SEL1L2: variants seen among roughly 807,000 people sequenced by gnomAD.
SEL1L2 encodes SEL1L2 adaptor subunit of SYVN1 ubiquitin ligase.
A neutral mutation model predicts 98.8 loss-of-function variants in SEL1L2; 89 were observed. That is an observed-to-expected ratio of 0.90 (90% CI 0.76 to 1.07). The LOEUF is 1.07. SEL1L2 is among the 50% of genes least tolerant of loss of function. The probability of loss-of-function intolerance (pLI) is 0.00; values close to 1 mark genes in which losing one functional copy is unlikely to be tolerated. For missense variants in SEL1L2, 788 were observed against 812.0 expected (o/e 0.97, Z 0.36); for synonymous variants, 262 against 278.5 (o/e 0.94, Z 0.59).
intron 8 of SEL1L2, 135 bp downstream of exon 8, chr20:13,887,634 G>A (rs1026484025): frequency 4.3e-5 from 26 of 600,072 alleles, no homozygotes; most frequent in Non-Finnish European, 6.9e-5. Flanking sequence ...TATGTTAAAA[G>A]AATTGTATTA....
At chr20:13,924,368 G>C (rs2048789707) in intron 3 of SEL1L2, among the ~76,000 whole-genome samples, 1 of 149,712 alleles carries the variant, frequency 6.7e-6, no homozygotes, top group Admixed American at 6.7e-5. Context: ...TACTATGTCT[G>C]ATCTTCTTAA....
At chr20:13,981,006 G>T (rs1171984063) in intron 1 of SEL1L2, among the ~76,000 whole-genome samples, 1 of 152,190 alleles carries the variant, frequency 6.6e-6, no homozygotes, top group African/African-American at 2.4e-5. Context: ...ACTTTGAGAG[G>T]CCAAGGCGGG....
Position 13,990,479 on chromosome 20 carries a change from T to C in SEL1L2, c.56A>G (p.Lys19Arg), listed in dbSNP as rs756098937. ...ACTCTAAGGACAAAAAAACTTACTT[T>C]TAATTGTGACCCCAAGAATTATCAA... ...EILIILGVTI[K>R]TIKAEEHNKR... Residue 19 changes from lysine to arginine, a missense_variant and splice_region_variant, in exon 1 of 20, where the codon AAA becomes AGA. By Grantham distance (26) the Lys-to-Arg change is conservative (BLOSUM62 2). Transcript: ENST00000284951. 6.2e-7 allele frequency: 1 copy of C among 1,610,540 alleles called. No individual in the cohort carries two copies. Among genetic ancestry groups the C allele is most frequent in the East Asian group, 2.2e-5 (1 of 44,864 alleles).
At chr20:13,933,963 G>GC (rs1555887937) in intron 2 of SEL1L2, among the ~76,000 whole-genome samples, 2 of 143,816 alleles carry the variant, frequency 1.4e-5, no homozygotes, top group Non-Finnish European at 3.0e-5. Flanking sequence ...TAAACCTAAG[G>GC]TTTTTTTTTT....
intron 10 of SEL1L2, among the ~76,000 whole-genome samples, chr20:13,880,133 C>G (rs1014043486): frequency 6.6e-6 from 1 of 152,216 alleles, no homozygotes; most frequent in South Asian, 2.1e-4. Context: ...ATCTCTAAAA[C>G]AAGGCAGCTG....
At chr20:13,876,170 C>T in intron 11 of SEL1L2, 55 bp from the exon 12 acceptor site, 1 of 1,270,204 alleles carries the variant, frequency 7.9e-7, no homozygotes, top group Non-Finnish European at 1.2e-6. Context: ...GAGAGTAATG[C>T]AAATATTTTA....
At chr20:13,953,853 C>CA (rs1310649917) in intron 2 of SEL1L2, among the ~76,000 whole-genome samples, 2 of 152,090 alleles carry the variant, frequency 1.3e-5, no homozygotes, top group African/African-American at 4.8e-5. Flanking sequence ...AGTCCTACAA[C>CA]AAAAATGGTC....
chr20:13,890,803 A>G (rs2047173129), intron 5 of SEL1L2, among the ~76,000 whole-genome samples: 1 of 152,176 alleles, frequency 6.6e-6, no homozygotes. Flanking sequence ...CACAATGAGA[A>G]TATCAACAAA....
chr20:13,923,970 AT>A (rs1568977745), intron 3 of SEL1L2, among the ~76,000 whole-genome samples: 1 of 152,056 alleles, frequency 6.6e-6, no homozygotes, highest in African/African-American at 2.4e-5. Flanking sequence ...TTAATTTTTC[AT>A]TTTTATATTT....
intron 5 of SEL1L2, among the ~76,000 whole-genome samples, chr20:13,900,344 A>G (rs1042743083): frequency 1.3e-5 from 2 of 152,148 alleles, no homozygotes; most frequent in African/African-American, 2.4e-5. Context: ...TAAATTTGCA[A>G]TGTTATCCAT....
chr20:13,851,889 TG>T (rs1988324969), intron 18 of SEL1L2, among the ~76,000 whole-genome samples: 1 of 152,200 alleles, frequency 6.6e-6, no homozygotes, highest in Non-Finnish European at 1.5e-5. Context: ...TTCTCTCAGC[TG>T]TGTTCTGCTT....
At chr20:13,850,980 T>A (rs1376921012) in intron 18 of SEL1L2, among the ~76,000 whole-genome samples, 1 of 152,154 alleles carries the variant, frequency 6.6e-6, no homozygotes, top group African/African-American at 2.4e-5. Context: ...TTCACGCCTG[T>A]AGTCCCAGTA....
intron 1 of SEL1L2, among the ~76,000 whole-genome samples, chr20:13,968,342 G>A (rs1281397266): frequency 6.6e-6 from 1 of 152,236 alleles, no homozygotes; most frequent in Non-Finnish European, 1.5e-5. Flanking sequence ...CAACCTTGAA[G>A]GATAGTTGAA....
At chr20:13,882,039 A>G (rs2046724610) in intron 10 of SEL1L2, among the ~76,000 whole-genome samples, 1 of 152,242 alleles carries the variant, frequency 6.6e-6, no homozygotes, top group African/African-American at 2.4e-5. Context: ...TATATATTAC[A>G]TAATGAATAT....
intron 2 of SEL1L2, among the ~76,000 whole-genome samples, chr20:13,953,779 T>C (rs536629054): frequency 6.6e-6 from 1 of 152,296 alleles, no homozygotes; most frequent in East Asian, 1.9e-4. Context: ...CTTCAAAGTG[T>C]CTGCAAGCCT....
chr20:13,983,048 A>AAAAAAAAAAAAAAAAAAAAAAAAT (rs2051935324), intron 1 of SEL1L2, among the ~76,000 whole-genome samples: 1 of 135,208 alleles, frequency 7.4e-6, no homozygotes, highest in Non-Finnish European at 1.6e-5. Context: ...AAAAAAAAAA[A>AAAAAAAAAAAAAAAAAAAAAAAAT]GCAGCAGCCA....
At chr20:13,987,442 T>C (rs2052278004) in intron 1 of SEL1L2, among the ~76,000 whole-genome samples, 2 of 150,672 alleles carry the variant, frequency 1.3e-5, no homozygotes, top group African/African-American at 2.4e-5. Context: ...GCCTCCGGGG[T>C]TCAAGCGATT....
At chr20:13,972,944 G>C (rs1403076136) in intron 1 of SEL1L2, among the ~76,000 whole-genome samples, 2 of 151,846 alleles carry the variant, frequency 1.3e-5, no homozygotes, top group African/African-American at 2.4e-5. Flanking sequence ...TCATATCTAG[G>C]GAATTTTATT....
At chr20:13,905,497 G>C (rs896160863) in intron 5 of SEL1L2, among the ~76,000 whole-genome samples, 8 of 151,968 alleles carry the variant, frequency 5.3e-5, no homozygotes, top group Admixed American at 1.3e-4. Context: ...GTATTTTTTA[G>C]TAGAGACAGG....
Sources: allele counts gnomAD v4.1 joint callset (sites outside exome capture counted in the v4.1 genomes callset), GRCh38; gene constraint gnomAD v4.1.1; transcripts MANE v1.5; gene names NCBI Gene and HGNC (gene_info 2026-07-23, HGNC 2026-07-21).